The following XG variants were observed in gnomAD, a reference collection of about 807,000 sequenced individuals.
XG encodes Xg glycoprotein (Xg blood group).
In XG, 24 loss-of-function variants were observed where a neutral mutation model predicts 25.7. The ratio of observed to expected loss-of-function variants is 0.93; its 90% CI spans 0.68 to 1.31. XG has a LOEUF of 1.31. Ranked by LOEUF, XG falls within the 40% of genes most tolerant of loss-of-function variation. XG has a pLI of 0.00. For synonymous variants in XG, 77 were observed against 69.2 expected, an observed-to-expected ratio of 1.11 and a Z score of -0.56; for missense variants, 181 against 187.6, an observed-to-expected ratio of 0.96 and a Z score of 0.21.
chrX:2,762,195 T>C (rs1219142629), intron 1 of XG, among the ~76,000 whole-genome samples: 2 of 152,226 alleles, frequency 1.3e-5, no homozygotes, highest in Admixed American at 6.5e-5. Context: ...CTTTTTGTGA[T>C]GAATGATCAT....
intron 2 of XG, among the ~76,000 whole-genome samples, chrX:2,773,266 CTG>C (rs1184687743): frequency 1.6e-5 from 2 of 122,084 alleles, no homozygotes; most frequent in Admixed American, 9.5e-5. Flanking sequence ...TAAGAAAAGA[CTG>C]AGGGGAGGAA....
chrX:2,806,381 C>T (rs1272388669), intron 7 of XG, among the ~76,000 whole-genome samples: 2 of 110,720 alleles, frequency 1.8e-5, no homozygotes, highest in African/African-American at 6.6e-5. Flanking sequence ...TTGTGGCCTG[C>T]GTTTTCATCC....
chrX:2,778,520 T>G (rs2051050130), intron 3 of XG, among the ~76,000 whole-genome samples: 1 of 151,834 alleles, frequency 6.6e-6, no homozygotes, highest in South Asian at 2.1e-4. Flanking sequence ...CCAGCCTGCG[T>G]GACAGAGCAA....
chrX:2,813,177 T>C (rs1338791283), intron 10 of XG, among the ~76,000 whole-genome samples: 2 of 110,126 alleles, frequency 1.8e-5, no homozygotes, highest in Non-Finnish European at 3.8e-5. Context: ...TCCATTGTAC[T>C]TCGATGATAC....
At chrX:2,799,396 G>A (rs1347691166) in intron 7 of XG, among the ~76,000 whole-genome samples, 2 of 111,429 alleles carry the variant, frequency 1.8e-5, no homozygotes, top group Non-Finnish European at 3.8e-5. Flanking sequence ...GGCCTTCTCC[G>A]AAGATGATTT....
intron 7 of XG, among the ~76,000 whole-genome samples, chrX:2,800,560 G>A (rs1197791896): frequency 8.9e-6 from 1 of 112,287 alleles, no homozygotes; most frequent in Non-Finnish European, 1.9e-5. Context: ...CATGACGCTC[G>A]ACTGTCCACT....
chrX:2,779,486 A>G, intron 3 of XG, among the ~76,000 whole-genome samples: 1 of 152,260 alleles, frequency 6.6e-6, no homozygotes, highest in East Asian at 1.9e-4. Flanking sequence ...TCATACCACC[A>G]GGGAAAGTTT....
chrX:2,785,883 G>A (rs2086778637), intron 4 of XG, among the ~76,000 whole-genome samples: 1 of 111,264 alleles, frequency 9.0e-6, no homozygotes, highest in Non-Finnish European at 1.9e-5. Flanking sequence ...TTGTTGATGG[G>A]CAACATTGGG....
chrX:2,756,619 C>A (rs1275412015), intron 1 of XG, among the ~76,000 whole-genome samples: 1 of 152,062 alleles, frequency 6.6e-6, no homozygotes, highest in South Asian at 2.1e-4. Context: ...GGATATATGT[C>A]CAGGATATAC....
At chrX:2,793,340 G>A (rs2086854384) in intron 5 of XG, among the ~76,000 whole-genome samples, 1 of 111,874 alleles carries the variant, frequency 8.9e-6, no homozygotes, top group Non-Finnish European at 1.9e-5. Context: ...GACTCCAAGG[G>A]TTAATTCGGG....
At chrX:2,768,372 A>G (rs1603305310) in intron 1 of XG, among the ~76,000 whole-genome samples, 1 of 152,216 alleles carries the variant, frequency 6.6e-6, no homozygotes, top group African/African-American at 2.4e-5. Context: ...CTCGACTGGA[A>G]CTGCTGGCAG....
intron 8 of XG, among the ~76,000 whole-genome samples, chrX:2,807,273 C>T (rs2087008116): frequency 8.8e-6 from 1 of 113,107 alleles, no homozygotes; most frequent in Non-Finnish European, 1.9e-5. Flanking sequence ...TGTCCATTCA[C>T]ATGCATACAT....
rs757599081 is a variant in XG at position 2,755,954 on chromosome X, G to A, written c.61+3619G>A. Among the ~76,000 whole-genome samples, 3 of 152,238 alleles carry A rather than the reference G, an allele frequency of 2.0e-5. No individual in the cohort carries two copies. The East Asian group carries it at 5.8e-4, about 29-fold the overall frequency. On this transcript the variant is annotated intron_variant, in intron 1 of 10. Coordinates refer to ENST00000644266, the MANE Select transcript of XG (RefSeq NM_001141919.2). ...ATGTGGGGCTTAATGCCTCTGTGAC[G>A]GGTTGATGGGTGCAGCAAACCACCA...
chrX:2,760,564 T>C (rs1332841748), intron 1 of XG, among the ~76,000 whole-genome samples: 8 of 142,702 alleles, frequency 5.6e-5, no homozygotes, highest in Non-Finnish European at 1.2e-4. Context: ...TGAAACCCCA[T>C]CTCTACTAAA....
chrX:2,770,653 G>A lies in XG; in HGVS notation c.103+62G>A, dbSNP rs533024164. ...CAGCTTGGATCTAACAGCATCAGCTGTATAGTTACTTTGGGGTTGGATTGG... is the reference window on the plus strand; with the variant it reads ...CAGCTTGGATCTAACAGCATCAGCTATATAGTTACTTTGGGGTTGGATTGG... On this transcript the variant is annotated intron_variant, in intron 2 of 10. Transcript: ENST00000644266. 1,782 of 1,603,706 alleles carry A rather than the reference G, an allele frequency of 1.1e-3. 26 individuals carry two copies. The South Asian group carries it at 0.018, about 17-fold the overall frequency.
At chrX:2,777,096 C>T (rs1348366612) in intron 3 of XG, among the ~76,000 whole-genome samples, 1 of 152,182 alleles carries the variant, frequency 6.6e-6, no homozygotes, top group Non-Finnish European at 1.5e-5. Flanking sequence ...AGAAGAAATT[C>T]ACACCCTGAA....
At chrX:2,804,886 C>T (rs1021354583) in intron 7 of XG, among the ~76,000 whole-genome samples, 2 of 112,157 alleles carry the variant, frequency 1.8e-5, no homozygotes, top group African/African-American at 3.2e-5. Flanking sequence ...GGCCAGGGCC[C>T]GGTGGAAGCA....
intron 2 of XG, among the ~76,000 whole-genome samples, chrX:2,772,881 C>T (rs73190949): frequency 6.6e-6 from 1 of 152,174 alleles, no homozygotes; most frequent in African/African-American, 2.4e-5. Flanking sequence ...CCTGTTCATC[C>T]ACAGCCCTTC....
chrX:2,807,800 GCA>G (rs756279712), intron 8 of XG, among the ~76,000 whole-genome samples: 1 of 112,265 alleles, frequency 8.9e-6, no homozygotes, highest in East Asian at 2.8e-4. Context: ...GTATGCATGT[GCA>G]CACACATTTG....
Sources: gnomAD v4.1 joint callset for allele counts (sites outside exome capture counted in the v4.1 genomes callset) on GRCh38, gnomAD v4.1.1 for gene constraint, MANE v1.5 for transcripts, NCBI Gene and HGNC (gene_info 2026-07-23, HGNC 2026-07-21) for gene names.